Variants in ICA1L observed in about 807,000 individuals in gnomAD.
ICA1L encodes islet cell autoantigen 1-like protein.
In ICA1L, 50 loss-of-function variants were observed where a neutral mutation model predicts 61.3. The ratio of observed to expected loss-of-function variants is 0.82; its 90% CI spans 0.65 to 1.03. The LOEUF is 1.03. Among genes scored for constraint, ICA1L ranks in the 50% least tolerant of loss-of-function variants. ICA1L has a pLI of 0.00. For missense variants in ICA1L, 508 were observed against 556.7 expected, an observed-to-expected ratio of 0.91 and a Z score of 0.88; for synonymous variants, 161 against 191.3, an observed-to-expected ratio of 0.84 and a Z score of 1.31.
At chr2:202,852,946 T>A (rs1453286822) in intron 1 of ICA1L, among the ~76,000 whole-genome samples, 2 of 151,592 alleles carry the variant, frequency 1.3e-5, no homozygotes, top group Non-Finnish European at 2.9e-5. Flanking sequence ...TGACAAGAAA[T>A]GGGGAAAGGA....
intron 1 of ICA1L, among the ~76,000 whole-genome samples, chr2:202,847,834 T>C (rs144229008): frequency 6.6e-6 from 1 of 151,870 alleles, no homozygotes; most frequent in East Asian, 1.9e-4. Flanking sequence ...TCAACCTAGA[T>C]ACACATCAAC....
intron 1 of ICA1L, chr2:202,841,565 TTGAC>T (rs1219742700): frequency 4.2e-6 from 3 of 707,334 alleles, no homozygotes; most frequent in Non-Finnish European, 7.9e-6. Context: ...CAGGCTCTGG[TTGAC>T]TGTGACAGCA....
intron 9 of ICA1L, among the ~76,000 whole-genome samples, chr2:202,811,322 T>A (rs967974460): frequency 1.3e-5 from 2 of 151,958 alleles, no homozygotes; most frequent in Non-Finnish European, 2.9e-5. Flanking sequence ...TTTCGCCTGA[T>A]AAAAAATGAA....
At chr2:202,797,132 TTGTGTGTGTGTG>T (rs58006631) in intron 9 of ICA1L, among the ~76,000 whole-genome samples, 168 bp from the exon 10 acceptor site, 40,419 of 147,754 alleles carry the variant, frequency 0.27, 5,937 homozygotes, top group East Asian at 0.53. Context: ...AAAATCACAT[TTGTGTGTGTGTG>T]TGTGTGTGTG....
chr2:202,790,767 C>T (rs962136069), intron 10 of ICA1L, among the ~76,000 whole-genome samples: 3 of 152,114 alleles, frequency 2.0e-5, no homozygotes, highest in Admixed American at 6.5e-5. Context: ...GTGGTGGTTT[C>T]ATGAAGAAAG....
chr2:202,842,619 T>C (rs1045826715), intron 1 of ICA1L, among the ~76,000 whole-genome samples: 45 of 152,340 alleles, frequency 3.0e-4, no homozygotes, highest in Admixed American at 7.8e-4. Context: ...GATTATATCT[T>C]AGTGTAATCT....
intron 9 of ICA1L, among the ~76,000 whole-genome samples, chr2:202,805,915 C>A (rs1202596095): frequency 6.6e-6 from 1 of 152,202 alleles, no homozygotes; most frequent in African/African-American, 2.4e-5. Flanking sequence ...GGATCATACG[C>A]AAATGTAATT....
chr2:202,837,440 C>G (rs1559143335), intron 1 of ICA1L, among the ~76,000 whole-genome samples: 2 of 151,838 alleles, frequency 1.3e-5, no homozygotes, highest in African/African-American at 2.4e-5. Flanking sequence ...CCTGCCACCA[C>G]ACCCAGCTAA....
At chr2:202,861,916 G>A (rs1416737949) in intron 1 of ICA1L, among the ~76,000 whole-genome samples, 1 of 131,296 alleles carries the variant, frequency 7.6e-6, no homozygotes, top group African/African-American at 2.7e-5. Context: ...GTGAAACCAT[G>A]AAAGTTTTAA....
intron 1 of ICA1L, among the ~76,000 whole-genome samples, chr2:202,843,200 G>C (rs1694376331): frequency 6.6e-6 from 1 of 152,022 alleles, no homozygotes; most frequent in Non-Finnish European, 1.5e-5. Flanking sequence ...CATTTTTCTT[G>C]TTGCCTTACA....
intron 12 of ICA1L, among the ~76,000 whole-genome samples, chr2:202,780,818 G>C (rs1164267266): frequency 2.6e-5 from 4 of 152,134 alleles, no homozygotes; most frequent in East Asian, 1.9e-4. Flanking sequence ...ATCTGGCTTT[G>C]AGTCCTGGGT....
chr2:202,870,017 T>A (rs1269819513), intron 1 of ICA1L, among the ~76,000 whole-genome samples: 1 of 152,134 alleles, frequency 6.6e-6, no homozygotes, highest in Admixed American at 6.6e-5. Flanking sequence ...AACTCACATA[T>A]CCCATCTGTT....
chr2:202,864,836 T>C (rs1302975982), intron 1 of ICA1L, among the ~76,000 whole-genome samples: 1 of 151,690 alleles, frequency 6.6e-6, no homozygotes, highest in Non-Finnish European at 1.5e-5. Context: ...CTGGCCAACA[T>C]GGTGAAACTC....
intron 10 of ICA1L, among the ~76,000 whole-genome samples, chr2:202,793,291 T>C (rs1199832359): frequency 6.6e-6 from 1 of 151,784 alleles, no homozygotes; most frequent in African/African-American, 2.4e-5. Flanking sequence ...ACAGACTGAT[T>C]TCTATAGAGA....
At chr2:202,848,566 C>G (rs142668052) in intron 1 of ICA1L, among the ~76,000 whole-genome samples, 1 of 152,166 alleles carries the variant, frequency 6.6e-6, no homozygotes, top group African/African-American at 2.4e-5. Context: ...GCAAATTGCA[C>G]AGCCCACAAA....
chr2:202,777,335 G>A lies in ICA1L; in HGVS notation c.*2198C>T, dbSNP rs1039503929. On this transcript the variant is annotated 3_prime_UTR_variant, in exon 13 of 13. Coordinates refer to ENST00000358299, the MANE Select transcript of ICA1L (RefSeq NM_001288622.3). ...CCCAAAGTGCTGGGATTACAGGCGT[G>A]AGCCACCATGCCCAGCCAAAGTTTT... is the stretch of plus-strand genomic sequence containing the variant. The A allele has an allele frequency of 2.6e-5, 4 of 152,268 alleles. No homozygotes were observed. Among genetic ancestry groups the A allele is most frequent in the Admixed American group, 6.5e-5 (1 of 15,282 alleles). The allele number at this position is 152,268 out of a possible 1,614,324, so 9.4% of individuals were successfully genotyped here.
At chr2:202,784,394 A>G (rs1210172535) in intron 12 of ICA1L, among the ~76,000 whole-genome samples, 1 of 152,146 alleles carries the variant, frequency 6.6e-6, no homozygotes, top group Non-Finnish European at 1.5e-5. Context: ...GCAGTGAGCC[A>G]ACATGGCACC....
intron 10 of ICA1L, 64 bp from the exon 11 acceptor site, chr2:202,789,151 G>T: frequency 7.7e-7 from 1 of 1,306,722 alleles, no homozygotes; most frequent in Non-Finnish European, 1.1e-6. Context: ...TAAGACCATA[G>T]GATGAATCAA....
Position 202,778,559 on chromosome 2 carries a change from A to ATAAG in ICA1L, c.*970_*973dup, listed in dbSNP as rs1235553226. 6.6e-6 allele frequency: 1 copy of ATAAG among 152,202 alleles called. No individual in the cohort carries two copies. The highest frequency in any genetic ancestry group is 1.5e-5 in the Non-Finnish European group (1 of 68,038). 9.4% of individuals were successfully genotyped at this position (152,202 alleles called of 1,614,324 possible). On this transcript the variant is annotated 3_prime_UTR_variant, in exon 13 of 13. Coordinates refer to ENST00000358299, the MANE Select transcript of ICA1L (RefSeq NM_001288622.3). ...AAATAATTATGTCACAAAATATGAGATAAGTATGCAAATATATGTAAGGAT... is the reference window on the plus strand; with the variant it reads ...AAATAATTATGTCACAAAATATGAGATAAGTAAGTATGCAAATATATGTAAGGAT...
Sources: allele counts gnomAD v4.1 joint callset (sites outside exome capture counted in the v4.1 genomes callset), GRCh38; gene constraint gnomAD v4.1.1; transcripts MANE v1.5; gene names NCBI Gene and HGNC (gene_info 2026-07-23, HGNC 2026-07-21).